PDE1C: variants seen among roughly 807,000 people sequenced by gnomAD.
PDE1C encodes the protein phosphodiesterase 1C, also known as dual specificity calcium/calmodulin-dependent 3',5'-cyclic nucleotide phosphodiesterase 1C.
Under a neutral mutation model 93.1 loss-of-function variants are expected in PDE1C, and 62 were observed. That is an observed-to-expected ratio of 0.67 (90% confidence interval 0.54 to 0.82). The LOEUF (loss-of-function observed/expected upper bound fraction) is 0.82. Among genes scored for constraint, PDE1C ranks in the 40% least tolerant of loss-of-function variants. PDE1C has a pLI of 0.00. For synonymous variants in PDE1C, 325 were observed against 310.1 expected, an observed-to-expected ratio of 1.05 and a Z score of -0.50; for missense variants, 742 against 884.6, an observed-to-expected ratio of 0.84 and a Z score of 2.04.
chr7:31,798,948 A>G (rs184452970), intron 16 of PDE1C, among the ~76,000 whole-genome samples: 3 of 151,928 alleles, frequency 2.0e-5, no homozygotes, highest in Non-Finnish European at 4.4e-5. Context: ...TCTGGCATAT[A>G]AAGACAATCC....
At position 32,293,254 on chromosome 7, in the gene PDE1C, C is replaced by T. The variant is rs572237194; in HGVS notation, c.85+5397G>A. 2.6e-5 allele frequency among the ~76,000 whole-genome samples: 4 copies of T among 152,274 alleles called. No individual in the cohort carries two copies. In the East Asian group the frequency reaches 5.8e-4, roughly 22 times the overall value. On this transcript the variant is annotated intron_variant, in intron 1 of 18. Coordinates refer to the PDE1C transcript ENST00000396193. ...ATTGAGGCTGAGGGAAGCTAAATGG[C>T]TCACCTAATGGGCATGATAAATCTG...
chr7:32,207,267 T>A (rs1178434028), intron 2 of PDE1C, among the ~76,000 whole-genome samples: 2 of 151,714 alleles, frequency 1.3e-5, no homozygotes, highest in African/African-American at 4.8e-5. Flanking sequence ...CCGTCGTGCC[T>A]GATTCCGTAC....
the PDE1C span, chr7:31,655,866 G>C: frequency 3.0e-6 from 3 of 985,268 alleles, no homozygotes; most frequent in Admixed American, 1.8e-4. Flanking sequence ...TAACGCCTAC[G>C]GAATGAAGAG....
intron 7 of PDE1C, among the ~76,000 whole-genome samples, chr7:31,859,021 G>C (rs373624336): frequency 5.3e-5 from 8 of 151,132 alleles, no homozygotes; most frequent in African/African-American, 1.9e-4. Flanking sequence ...AATTTTAACT[G>C]TTTAAGTGAT....
chr7:31,827,338 G>T (rs954664004), intron 12 of PDE1C, among the ~76,000 whole-genome samples: 1 of 152,008 alleles, frequency 6.6e-6, no homozygotes, highest in Admixed American at 6.6e-5. Context: ...CACTTCTTGG[G>T]ACTCAATTCA....
chr7:31,734,596 C>T, the PDE1C span, among the ~76,000 whole-genome samples: 2 of 152,252 alleles, frequency 1.3e-5, no homozygotes, highest in Admixed American at 1.3e-4. Context: ...GCACAAAATT[C>T]CTTTTGATGA....
At chr7:31,757,663 A>T (rs1337442325) in intron 17 of PDE1C, among the ~76,000 whole-genome samples, 1 of 152,232 alleles carries the variant, frequency 6.6e-6, no homozygotes, top group Non-Finnish European at 1.5e-5. Flanking sequence ...GCTGGAGAGG[A>T]TATGGAGAAA....
At chr7:31,968,842 C>G (rs1411778486) in intron 2 of PDE1C, among the ~76,000 whole-genome samples, 3 of 152,176 alleles carry the variant, frequency 2.0e-5, no homozygotes, top group Non-Finnish European at 4.4e-5. Context: ...CTACAACTAT[C>G]TGATCTTTGA....
intron 16 of PDE1C, among the ~76,000 whole-genome samples, chr7:31,800,381 A>G (rs936931392): frequency 6.6e-6 from 1 of 151,576 alleles, no homozygotes; most frequent in Non-Finnish European, 1.5e-5. Context: ...TTTACATTTT[A>G]CATTTAGCTT....
chr7:32,415,542 T>C (rs994157328), intron 1 of PDE1C, among the ~76,000 whole-genome samples: 3 of 152,140 alleles, frequency 2.0e-5, no homozygotes, highest in South Asian at 4.1e-4. Context: ...CTGCCTTATA[T>C]TGGGGATTGT....
chr7:31,888,209 C>T (rs1374072903), intron 2 of PDE1C, among the ~76,000 whole-genome samples: 1 of 132,752 alleles, frequency 7.5e-6, no homozygotes, highest in African/African-American at 2.9e-5. Flanking sequence ...GAGATTGTGC[C>T]ACTGCACTCC....
chr7:32,307,876 T>G (rs1249280982), intron 1 of PDE1C, among the ~76,000 whole-genome samples: 1 of 152,138 alleles, frequency 6.6e-6, no homozygotes, highest in African/African-American at 2.4e-5. Flanking sequence ...TGCCAGATAG[T>G]GGGTGCAGGA....
At chr7:31,856,633 C>T (rs888338563) in intron 7 of PDE1C, among the ~76,000 whole-genome samples, 2 of 150,032 alleles carry the variant, frequency 1.3e-5, no homozygotes, top group South Asian at 2.1e-4. Context: ...CATCACAATA[C>T]GTGGAAGTAA....
At chr7:31,619,836 G>A in the PDE1C span, among the ~76,000 whole-genome samples, 1 of 152,172 alleles carries the variant, frequency 6.6e-6, no homozygotes, top group Non-Finnish European at 1.5e-5. Context: ...AAGGGGTCAG[G>A]GAGTTCCCTT....
chr7:31,698,588 G>C, the PDE1C span, among the ~76,000 whole-genome samples: 2 of 152,198 alleles, frequency 1.3e-5, no homozygotes, highest in East Asian at 3.8e-4. Flanking sequence ...ACATGCAGAA[G>C]TCTAATCTTC....
intron 3 of PDE1C, among the ~76,000 whole-genome samples, chr7:32,081,478 A>C (rs17338455): frequency 0.044 from 6,704 of 152,272 alleles, 224 homozygotes; most frequent in South Asian, 0.082. Context: ...CCTGCCCTGA[A>C]ATCAGACTTA....
intron 2 of PDE1C, among the ~76,000 whole-genome samples, chr7:31,980,916 T>C (rs1205656607): frequency 6.6e-6 from 1 of 152,200 alleles, no homozygotes; most frequent in Non-Finnish European, 1.5e-5. Flanking sequence ...AGCCCTGCGA[T>C]GATGGTGGGC....
chr7:31,776,957 A>G lies in PDE1C; in HGVS notation c.1892-1225T>C, dbSNP rs892250194. 2.2e-5 allele frequency among the ~76,000 whole-genome samples: 3 copies of G among 134,090 alleles called. No homozygotes were observed. The East Asian group carries it at 7.0e-4, about 32-fold the overall frequency. 88.0% of individuals were successfully genotyped at this position (134,090 alleles called of 152,430 possible). A position where few individuals can be genotyped will look rare whatever the true frequency, so the allele number is the denominator to read the frequency against. ...TTGAGAAGACCCTATGTGTCAATAT[A>G]GTCACTGATAAAGATAACAAAAGAA... On this transcript the variant is annotated intron_variant, in intron 16 of 17. Transcript: ENST00000396191.
chr7:32,416,789 G>A (rs1182414229), intron 1 of PDE1C, among the ~76,000 whole-genome samples: 2 of 152,132 alleles, frequency 1.3e-5, no homozygotes, highest in African/African-American at 4.8e-5. Flanking sequence ...TGGGGGTCAA[G>A]TCTGTATGGT....
Sources: allele counts gnomAD v4.1 joint callset (sites outside exome capture counted in the v4.1 genomes callset), GRCh38; gene constraint gnomAD v4.1.1; transcripts MANE v1.5; gene names NCBI Gene and HGNC (gene_info 2026-07-23, HGNC 2026-07-21).